Variants in ADGRL3 observed in about 807,000 individuals in gnomAD.
The protein encoded by ADGRL3 is calcium-independent alpha-latrotoxin receptor 3.
In ADGRL3, 62 loss-of-function variants were observed where a neutral mutation model predicts 153.5. The observed-to-expected ratio is 0.40, with a 90% CI of 0.33 to 0.50. ADGRL3 has a LOEUF of 0.50. ADGRL3 is among the 20% of genes least tolerant of loss of function. ADGRL3 has a pLI of 0.47. For missense variants in ADGRL3, 1,641 were observed against 1,859.4 expected (o/e 0.88, Z 2.16); for synonymous variants, 710 against 672.5 (o/e 1.06, Z -0.86).
At chr4:61,620,419 A>G (rs935713331) in intron 5 of ADGRL3, among the ~76,000 whole-genome samples, 3 of 152,116 alleles carry the variant, frequency 2.0e-5, no homozygotes, top group Admixed American at 2.0e-4. Flanking sequence ...TAAGGGAGTT[A>G]TGGTACCAAT....
chr4:61,604,126 C>T (rs2149567881), intron 5 of ADGRL3, among the ~76,000 whole-genome samples: 1 of 151,932 alleles, frequency 6.6e-6, no homozygotes, highest in Non-Finnish European at 1.5e-5. Context: ...AAGCCCTGGG[C>T]TGTTCTAGGT....
chr4:61,237,271 G>C (rs538474946), intron 1 of ADGRL3, among the ~76,000 whole-genome samples: 2 of 152,222 alleles, frequency 1.3e-5, no homozygotes, highest in South Asian at 4.1e-4. Context: ...ATTAAATGAA[G>C]TATTTTTACA....
intron 2 of ADGRL3, among the ~76,000 whole-genome samples, chr4:61,409,239 GACAT>G (rs1312804874): frequency 7.2e-6 from 1 of 139,688 alleles, no homozygotes; most frequent in East Asian, 2.0e-4. Context: ...ATATATATTA[GACAT>G]ACATAATATA....
intron 6 of ADGRL3, among the ~76,000 whole-genome samples, chr4:61,685,045 A>T (rs1240100793): frequency 6.6e-6 from 1 of 151,666 alleles, no homozygotes; most frequent in Non-Finnish European, 1.5e-5. Context: ...CCTCCCAAGT[A>T]GCTGGGACTA....
intron 2 of ADGRL3, among the ~76,000 whole-genome samples, chr4:61,409,081 C>T (rs1007584291): frequency 2.0e-5 from 3 of 150,646 alleles, no homozygotes; most frequent in Non-Finnish European, 4.4e-5. Flanking sequence ...CTGCCTGACT[C>T]ATTAACTTGC....
chr4:61,231,613 T>TTG (rs2149191878), intron 1 of ADGRL3, among the ~76,000 whole-genome samples: 1 of 152,220 alleles, frequency 6.6e-6, no homozygotes, highest in African/African-American at 2.4e-5. Flanking sequence ...CTAGGTAAGG[T>TTG]TGTGCTTCTG....
intron 2 of ADGRL3, among the ~76,000 whole-genome samples, chr4:61,426,508 G>A (rs1443909417): frequency 2.0e-5 from 3 of 152,088 alleles, no homozygotes; most frequent in African/African-American, 7.2e-5. Context: ...TTCACTGACT[G>A]GCCTCCATAG....
At position 61,934,922 on chromosome 4, in the gene ADGRL3, G is replaced by T; in HGVS notation, c.2195G>T (p.Arg732Leu). 1 of 1,613,786 alleles carries T rather than the reference G, an allele frequency of 6.2e-7. No homozygotes were observed. The highest frequency in any genetic ancestry group is 8.5e-7 in the Non-Finnish European group (1 of 1,179,812). Reference sequence around the variant, plus strand: ...GACCTGACTACGAGTGATCAGCTGCGTGCGGCCACCATGTTGCTTCATACT... The same window carrying T: ...GACCTGACTACGAGTGATCAGCTGCTTGCGGCCACCATGTTGCTTCATACT... The part of the protein sequence containing the change: ...WRDLTTSDQL[R>L]AATMLLHTVE... The change falls in exon 14 of 27, where the codon CGT (arginine) becomes CTT (leucine). Residue 732 changes from arginine (R) to leucine (L), a missense_variant. Around this residue, in one of 5 missense-constraint regions of ADGRL3, gnomAD observed 734 missense variants for 797.0 expected, o/e 0.92. Transcript: ENST00000683033.
chr4:61,805,857 T>G (rs1373476468), intron 8 of ADGRL3, among the ~76,000 whole-genome samples: 1 of 152,156 alleles, frequency 6.6e-6, no homozygotes, highest in Non-Finnish European at 1.5e-5. Context: ...AGAGACCTTT[T>G]TAAGAACTCC....
chr4:61,921,749 C>G (rs781015871), intron 13 of ADGRL3, among the ~76,000 whole-genome samples: 1 of 152,096 alleles, frequency 6.6e-6, no homozygotes, highest in Admixed American at 6.5e-5. Flanking sequence ...TATTTTTACT[C>G]ATATCTATAT....
intron 1 of ADGRL3, among the ~76,000 whole-genome samples, chr4:61,373,321 G>A (rs2096563291): frequency 6.6e-6 from 1 of 152,116 alleles, no homozygotes; most frequent in African/African-American, 2.4e-5. Flanking sequence ...ACCACAGCAT[G>A]CTATTCTTAA....
chr4:61,713,795 C>T (rs2096052438), intron 6 of ADGRL3, among the ~76,000 whole-genome samples: 1 of 152,020 alleles, frequency 6.6e-6, no homozygotes, highest in South Asian at 2.1e-4. Context: ...TATTTTCTCT[C>T]ATCTAAACAG....
chr4:61,647,286 C>T (rs879410919), intron 5 of ADGRL3, among the ~76,000 whole-genome samples: 1 of 152,126 alleles, frequency 6.6e-6, no homozygotes, highest in Non-Finnish European at 1.5e-5. Flanking sequence ...TCCTATTCGG[C>T]CATCTTGGCT....
intron 5 of ADGRL3, among the ~76,000 whole-genome samples, chr4:61,646,750 C>A (rs2094007391): frequency 1.3e-5 from 2 of 152,302 alleles, no homozygotes; most frequent in South Asian, 4.1e-4. Context: ...GCCCTGCCCC[C>A]AGAGGTGGAG....
intron 4 of ADGRL3, among the ~76,000 whole-genome samples, chr4:61,534,714 G>A (rs1365414079): frequency 2.0e-5 from 3 of 152,022 alleles, no homozygotes; most frequent in East Asian, 3.9e-4. Context: ...TTTTAAATGG[G>A]ATTGAGTTCT....
intron 1 of ADGRL3, among the ~76,000 whole-genome samples, chr4:61,286,667 T>C (rs907096076): frequency 6.6e-6 from 1 of 151,698 alleles, no homozygotes; most frequent in African/African-American, 2.4e-5. Context: ...TTTTTTCCTT[T>C]TATATATCGA....
chr4:61,487,644 A>T (rs2098211620), intron 2 of ADGRL3, among the ~76,000 whole-genome samples: 1 of 152,006 alleles, frequency 6.6e-6, no homozygotes, highest in Non-Finnish European at 1.5e-5. Flanking sequence ...TCAATCCTTG[A>T]TTATTGTCTT....
At chr4:61,416,890 A>T (rs2097150154) in intron 2 of ADGRL3, among the ~76,000 whole-genome samples, 1 of 152,174 alleles carries the variant, frequency 6.6e-6, no homozygotes, top group African/African-American at 2.4e-5. Context: ...GCCATAATGT[A>T]GAATCACTGG....
intron 17 of ADGRL3, among the ~76,000 whole-genome samples, chr4:61,952,539 G>C (rs753195347): frequency 4.6e-5 from 7 of 151,576 alleles, no homozygotes; most frequent in African/African-American, 1.7e-4. Flanking sequence ...AGAGAGAGAT[G>C]GTGCAGGTAT....
Sources: allele counts gnomAD v4.1 joint callset (sites outside exome capture counted in the v4.1 genomes callset), GRCh38; gene constraint gnomAD v4.1.1; regional missense constraint gnomAD v4.1.1; transcripts MANE v1.5; gene names NCBI Gene and HGNC (gene_info 2026-07-23, HGNC 2026-07-21).